The following FXR1 variants were observed in gnomAD, a reference collection of about 807,000 sequenced individuals.
FXR1 encodes the protein FMR1 autosomal homolog 1, also known as RNA-binding protein FXR1.
A neutral mutation model predicts 84.0 loss-of-function variants in FXR1; 15 were observed. The observed-to-expected ratio is 0.18, with a 90% CI of 0.12 to 0.27. The LOEUF is 0.27. Ranked by LOEUF, FXR1 falls within the 10% of genes least tolerant of loss-of-function variation. FXR1 has a pLI of 1.00. For synonymous variants in FXR1, 245 were observed against 250.7 expected (o/e 0.98, Z 0.21); for missense variants, 480 against 774.4 (o/e 0.62, Z 4.51).
At chr3:180,959,335 A>T in intron 10 of FXR1, among the ~76,000 whole-genome samples, 1 of 149,612 alleles carries the variant, frequency 6.7e-6, no homozygotes, top group Non-Finnish European at 1.5e-5. Context: ...TGAGTTTTTT[A>T]TGAGAATGTT....
chr3:180,920,615 G>A (rs1444920855), intron 1 of FXR1, among the ~76,000 whole-genome samples: 3 of 151,490 alleles, frequency 2.0e-5, no homozygotes, highest in Non-Finnish European at 4.4e-5. Flanking sequence ...AGGTTCAGGC[G>A]ATTCTTGTGC....
At chr3:180,920,725 G>C (rs1043936960) in intron 1 of FXR1, among the ~76,000 whole-genome samples, 2 of 152,110 alleles carry the variant, frequency 1.3e-5, no homozygotes, top group African/African-American at 4.8e-5. Context: ...TGACTAGGCT[G>C]ACCTTGAGCT....
At chr3:180,970,694 T>C (rs1713455697) in intron 15 of FXR1, 1 of 152,754 alleles carries the variant, frequency 6.5e-6, no homozygotes, top group African/African-American at 2.4e-5. Context: ...TTGCCTCTTT[T>C]AAAATAATTA....
chr3:180,957,308 C>T (rs1576976935), intron 9 of FXR1, among the ~76,000 whole-genome samples: 1 of 152,066 alleles, frequency 6.6e-6, no homozygotes, highest in African/African-American at 2.4e-5. Context: ...TGAAAAACTT[C>T]TTGGTGTAAA....
At chr3:180,913,912 T>G (rs1356048690) in intron 1 of FXR1, among the ~76,000 whole-genome samples, 1 of 152,224 alleles carries the variant, frequency 6.6e-6, no homozygotes, top group East Asian at 1.9e-4. Context: ...CCTTTTATCC[T>G]ATGGGTTTTT....
chr3:180,952,177 C>T (rs966608358), intron 8 of FXR1, among the ~76,000 whole-genome samples: 5 of 152,120 alleles, frequency 3.3e-5, no homozygotes, highest in African/African-American at 4.8e-5. Context: ...AGGCTTGTCT[C>T]GAACTCCTGA....
At chr3:180,974,890 A>T (rs939713264) in intron 15 of FXR1, among the ~76,000 whole-genome samples, 3 of 152,042 alleles carry the variant, frequency 2.0e-5, no homozygotes, top group Non-Finnish European at 2.9e-5. Flanking sequence ...TGAAATTTTC[A>T]AATTTAAGTA....
intron 3 of FXR1, among the ~76,000 whole-genome samples, chr3:180,939,822 GA>G (rs1720932338): frequency 6.6e-6 from 1 of 152,142 alleles, no homozygotes; most frequent in African/African-American, 2.4e-5. Context: ...TTGAAGGAAA[GA>G]AAAGGTGACT....
intron 1 of FXR1, among the ~76,000 whole-genome samples, chr3:180,929,492 G>A (rs1362569715): frequency 1.3e-5 from 2 of 152,200 alleles, no homozygotes; most frequent in Non-Finnish European, 2.9e-5. Context: ...TGTATGGGAA[G>A]AAGAAAAAGA....
At chr3:180,955,887 A>G (rs1722696140) in intron 9 of FXR1, among the ~76,000 whole-genome samples, 1 of 152,180 alleles carries the variant, frequency 6.6e-6, no homozygotes, top group South Asian at 2.1e-4. Context: ...TATCCTGTCT[A>G]CGTTGGCTTT....
intron 10 of FXR1, among the ~76,000 whole-genome samples, chr3:180,960,926 G>A (rs535909505): frequency 6.6e-6 from 1 of 152,214 alleles, no homozygotes; most frequent in African/African-American, 2.4e-5. Flanking sequence ...AATATGACAA[G>A]TTATTGAAAA....
At chr3:180,915,233 T>A (rs1717743072) in intron 1 of FXR1, among the ~76,000 whole-genome samples, 1 of 152,204 alleles carries the variant, frequency 6.6e-6, no homozygotes, top group African/African-American at 2.4e-5. Flanking sequence ...CGGTTATGAA[T>A]CTTGATAAAT....
chr3:180,925,760 G>A (rs1323898454), intron 1 of FXR1, among the ~76,000 whole-genome samples: 1 of 152,184 alleles, frequency 6.6e-6, no homozygotes, highest in African/African-American at 2.4e-5. Context: ...TAAATAAACT[G>A]ATAATTGATC....
At chr3:180,940,032 T>C (rs1266197618) in intron 3 of FXR1, among the ~76,000 whole-genome samples, 1 of 152,234 alleles carries the variant, frequency 6.6e-6, no homozygotes, top group Non-Finnish European at 1.5e-5. Flanking sequence ...ATACAGGGTT[T>C]GCCTTTCTAG....
intron 9 of FXR1, among the ~76,000 whole-genome samples, chr3:180,956,437 C>T (rs1722746172): frequency 6.6e-6 from 1 of 152,102 alleles, no homozygotes; most frequent in Non-Finnish European, 1.5e-5. Context: ...TAGGTTCCTG[C>T]CAAGGACCCC....
chr3:180,947,695 G>A (rs921127544), intron 3 of FXR1, among the ~76,000 whole-genome samples, 170 bp from the exon 4 acceptor site: 5 of 152,128 alleles, frequency 3.3e-5, no homozygotes, highest in African/African-American at 1.2e-4. Flanking sequence ...TTTTTAAGTA[G>A]TAAATTTAAG....
intron 1 of FXR1, among the ~76,000 whole-genome samples, chr3:180,920,610 C>T (rs1450939919): frequency 6.7e-6 from 1 of 150,304 alleles, no homozygotes; most frequent in Non-Finnish European, 1.5e-5. Context: ...CTCTTAGGTT[C>T]AGGCGATTCT....
At chr3:180,927,906 T>C in intron 1 of FXR1, 1 of 351,202 alleles carries the variant, frequency 2.8e-6, no homozygotes, top group Non-Finnish European at 5.1e-6. Flanking sequence ...TTTAACCCTG[T>C]TGTATGCTGT....
At chr3:180,964,673 T>TTTTA (rs148208441) in intron 13 of FXR1, among the ~76,000 whole-genome samples, 1 of 136,356 alleles carries the variant, frequency 7.3e-6, no homozygotes, top group East Asian at 2.1e-4. Context: ...TGTAGTTGAT[T>TTTTA]TATATATATA....
Sources: allele counts gnomAD v4.1 joint callset (sites outside exome capture counted in the v4.1 genomes callset), GRCh38; gene constraint gnomAD v4.1.1; transcripts MANE v1.5; gene names NCBI Gene and HGNC (gene_info 2026-07-23, HGNC 2026-07-21).